The following SMYD3 variants were observed in gnomAD, a reference collection of about 807,000 sequenced individuals.
SMYD3 encodes the protein histone-lysine N-methyltransferase SMYD3.
In SMYD3, 36 loss-of-function variants were observed where a neutral mutation model predicts 57.7. The observed-to-expected ratio is 0.62, with a 90% CI of 0.48 to 0.82. SMYD3 has a LOEUF of 0.82. Among genes scored for constraint, SMYD3 ranks in the 40% least tolerant of loss-of-function variants. SMYD3 has a pLI of 0.00. For synonymous variants in SMYD3, 211 were observed against 195.0 expected, an observed-to-expected ratio of 1.08 and a Z score of -0.68; for missense variants, 515 against 538.8, an observed-to-expected ratio of 0.96 and a Z score of 0.44.
intron 5 of SMYD3, among the ~76,000 whole-genome samples, chr1:246,067,094 T>C (rs2060355948): frequency 1.3e-5 from 2 of 152,224 alleles, no homozygotes; most frequent in South Asian, 4.1e-4. Flanking sequence ...TACCACCATT[T>C]GATGACAATC....
chr1:246,270,948 T>C (rs2064208594), intron 5 of SMYD3, among the ~76,000 whole-genome samples: 1 of 152,212 alleles, frequency 6.6e-6, no homozygotes, highest in South Asian at 2.1e-4. Flanking sequence ...GCACAAGGCT[T>C]CCAATTTCCC....
At chr1:246,225,321 CAAAAAAAAAAAAAAAAAAA>C (rs60915002) in intron 5 of SMYD3, among the ~76,000 whole-genome samples, 164 of 76,298 alleles carry the variant, frequency 2.1e-3, no homozygotes, top group South Asian at 3.1e-3. Context: ...GCTGAAAAGT[CAAAAAAAAAAAAAAAAAAA>C]AAAAAAAAAA....
chr1:245,885,599 G>T (rs549207166), intron 8 of SMYD3, among the ~76,000 whole-genome samples: 1 of 152,046 alleles, frequency 6.6e-6, no homozygotes, highest in Admixed American at 6.5e-5. Flanking sequence ...CCTTTCTCCT[G>T]CAGGCTGAAG....
At chr1:245,762,821 G>T (rs371692228) in intron 11 of SMYD3, among the ~76,000 whole-genome samples, 1 of 152,192 alleles carries the variant, frequency 6.6e-6, no homozygotes, top group African/African-American at 2.4e-5. Context: ...CCCTGGACAC[G>T]CCCTGAGCAA....
At chr1:246,240,543 CT>C (rs1373134272) in intron 5 of SMYD3, among the ~76,000 whole-genome samples, 2 of 151,720 alleles carry the variant, frequency 1.3e-5, no homozygotes, top group African/African-American at 2.4e-5. Flanking sequence ...CAGCTTTGTT[CT>C]TTTGGCTTAG....
chr1:245,856,376 C>T (rs542679052), intron 10 of SMYD3, among the ~76,000 whole-genome samples: 6 of 152,292 alleles, frequency 3.9e-5, no homozygotes, highest in African/African-American at 7.2e-5. Flanking sequence ...ACTCAACACA[C>T]GCCAGGGAAG....
chr1:246,116,408 AAC>A (rs2061343127), intron 5 of SMYD3, among the ~76,000 whole-genome samples: 1 of 152,212 alleles, frequency 6.6e-6, no homozygotes, highest in Admixed American at 6.5e-5. Context: ...CAAAATATAA[AAC>A]ACACATAATG....
intron 1 of SMYD3, among the ~76,000 whole-genome samples, chr1:246,495,343 C>A (rs1172523999): frequency 9.3e-6 from 1 of 107,608 alleles, no homozygotes; most frequent in East Asian, 2.8e-4. Flanking sequence ...AGCAAGACTC[C>A]GTCTCAAAAA....
chr1:245,852,353 A>G (rs2051021917), intron 10 of SMYD3, among the ~76,000 whole-genome samples: 1 of 152,214 alleles, frequency 6.6e-6, no homozygotes, highest in Admixed American at 6.5e-5. Flanking sequence ...ACCACTCCAC[A>G]AAGCTGGGCA....
intron 5 of SMYD3, among the ~76,000 whole-genome samples, chr1:246,042,068 A>T (rs1055424347): frequency 6.6e-6 from 1 of 152,202 alleles, no homozygotes; most frequent in African/African-American, 2.4e-5. Flanking sequence ...CATTTTGAGG[A>T]TGGGACCCCA....
intron 5 of SMYD3, among the ~76,000 whole-genome samples, chr1:246,163,765 T>G (rs1412780047): frequency 6.6e-6 from 1 of 152,238 alleles, no homozygotes; most frequent in African/African-American, 2.4e-5. Context: ...GGCAATGATA[T>G]GGAAGGAAAG....
At chr1:246,344,513 T>C (rs1467273804) in intron 2 of SMYD3, among the ~76,000 whole-genome samples, 1 of 152,248 alleles carries the variant, frequency 6.6e-6, no homozygotes, top group Non-Finnish European at 1.5e-5. Context: ...TTCACTTGTT[T>C]CCAGGTTTGG....
In SMYD3 at chr1:246,348,077, T is replaced by TATATACACACACATACATAC; in HGVS notation, c.228+6953_228+6954insGTATGTATGTGTGTGTATAT. Reference sequence around the variant, plus strand: ...AGAAAACGTTATATATATATATATATACACACACACCATCAAATACTATGA... The same window carrying TATATACACACACATACATAC: ...AGAAAACGTTATATATATATATATATATATACACACACATACATACACACACACACCATCAAATACTATGA... On this transcript the variant is annotated intron_variant, in intron 2 of 11. Transcript: ENST00000490107. Among the ~76,000 whole-genome samples, 100 of 86,530 alleles carry TATATACACACACATACATAC rather than the reference T, an allele frequency of 1.2e-3. 5 individuals are homozygous for TATATACACACACATACATAC. The highest frequency in any genetic ancestry group is 3.6e-3 in the African/African-American group (91 of 25,044). The allele number at this position is 86,530 out of a possible 152,430, so 56.8% of individuals were successfully genotyped here. A position where few individuals can be genotyped will look rare whatever the true frequency, so the allele number is the denominator to read the frequency against.
At chr1:245,987,446 A>C (rs2058725800) in intron 5 of SMYD3, among the ~76,000 whole-genome samples, 1 of 152,110 alleles carries the variant, frequency 6.6e-6, no homozygotes, top group Non-Finnish European at 1.5e-5. Context: ...GAGGTAAAAA[A>C]GATCTAGAAA....
At chr1:246,315,623 G>A (rs545773130) in intron 5 of SMYD3, among the ~76,000 whole-genome samples, 4 of 152,276 alleles carry the variant, frequency 2.6e-5, no homozygotes, top group South Asian at 2.1e-4. Context: ...ACGCTGATAC[G>A]TTGTTGGAAC....
At chr1:246,237,049 T>C (rs2063523607) in intron 5 of SMYD3, among the ~76,000 whole-genome samples, 1 of 152,120 alleles carries the variant, frequency 6.6e-6, no homozygotes, top group Admixed American at 6.5e-5. Flanking sequence ...AAAAACCACT[T>C]AATAAACCAA....
At chr1:246,134,421 CTAGA>C (rs1222164035) in intron 5 of SMYD3, among the ~76,000 whole-genome samples, 2 of 151,980 alleles carry the variant, frequency 1.3e-5, no homozygotes, top group Admixed American at 6.6e-5. Flanking sequence ...CATAAGTAAT[CTAGA>C]TAATTTATAA....
rs193125604 is a variant in SMYD3, at chr1:245,925,590, C to T, written c.702+2341G>A. 2.0e-3 allele frequency among the ~76,000 whole-genome samples: 304 copies of T among 152,230 alleles called. 1 individual carries two copies. The highest frequency in any genetic ancestry group is 7.0e-3 in the African/African-American group (292 of 41,540). On this transcript the variant is annotated intron_variant, in intron 7 of 11. Coordinates refer to ENST00000490107, the MANE Select transcript of SMYD3 (RefSeq NM_001167740.2). ...TCTCCAATGATGCAACAATCCCACACGATGAAGAACTGTCCCATTCAAAAT... is the reference window on the plus strand; with the variant it reads ...TCTCCAATGATGCAACAATCCCACATGATGAAGAACTGTCCCATTCAAAAT...
intron 5 of SMYD3, among the ~76,000 whole-genome samples, chr1:245,977,789 T>C (rs1342698188): frequency 6.6e-6 from 1 of 152,250 alleles, no homozygotes; most frequent in East Asian, 1.9e-4. Flanking sequence ...GTTTCCTTCC[T>C]GCCCTGTTAT....
Sources: gnomAD v4.1 joint callset for allele counts (sites outside exome capture counted in the v4.1 genomes callset) on GRCh38, gnomAD v4.1.1 for gene constraint, MANE v1.5 for transcripts, NCBI Gene and HGNC (gene_info 2026-07-23, HGNC 2026-07-21) for gene names.